Variants in PACRG observed in about 807,000 individuals in gnomAD.
PACRG encodes parkin coregulated.
A neutral mutation model predicts 29.7 loss-of-function variants in PACRG; 29 were observed. That is an observed-to-expected ratio of 0.98 (90% CI 0.73 to 1.33). PACRG has a LOEUF of 1.33. Among genes scored for constraint, PACRG ranks in the 40% most tolerant of loss-of-function variants. PACRG has a pLI of 0.00. For missense variants in PACRG, 279 were observed against 316.2 expected, an observed-to-expected ratio of 0.88 and a Z score of 0.89; for synonymous variants, 116 against 118.7, an observed-to-expected ratio of 0.98 and a Z score of 0.15.
chr6:162,875,230 G>C (rs1363941226), intron 2 of PACRG, among the ~76,000 whole-genome samples: 1 of 131,520 alleles, frequency 7.6e-6, no homozygotes, highest in East Asian at 2.2e-4. Context: ...TGCACACACA[G>C]ACATGCACAG....
rs527380989 is a variant in PACRG at position 163,050,048 on chromosome 6, C to T, written c.292-12102C>T. On this transcript the variant is annotated intron_variant, in intron 2 of 4. Transcript: ENST00000366888. ...TAATTCAGAACTGAAGGACATTTTC[C>T]CTTTTATGATAATCTCTTTTAATAA... Among the ~76,000 whole-genome samples, 9 of 152,082 alleles carry T rather than the reference C, an allele frequency of 5.9e-5. No homozygotes were observed. The South Asian group carries it at 1.9e-3, about 32-fold the overall frequency.
intron 2 of PACRG, among the ~76,000 whole-genome samples, chr6:162,965,286 G>A (rs1007488150): frequency 5.3e-5 from 8 of 152,254 alleles, no homozygotes; most frequent in African/African-American, 1.7e-4. Flanking sequence ...TAAAGTCTCG[G>A]GTCAGAGGTA....
chr6:162,904,930 G>A (rs1795822568), intron 2 of PACRG, among the ~76,000 whole-genome samples: 1 of 152,180 alleles, frequency 6.6e-6, no homozygotes, highest in South Asian at 2.1e-4. Context: ...GTGAGGATGA[G>A]TTAGCTGGGA....
At chr6:162,973,620 G>A (rs1347614610) in intron 2 of PACRG, among the ~76,000 whole-genome samples, 1 of 151,994 alleles carries the variant, frequency 6.6e-6, no homozygotes, top group Non-Finnish European at 1.5e-5. Flanking sequence ...CCCCAAATTA[G>A]ATATTCCACA....
At chr6:163,042,409 T>G (rs1366160562) in intron 2 of PACRG, 1 of 152,400 alleles carries the variant, frequency 6.6e-6, no homozygotes, top group Non-Finnish European at 1.5e-5. Flanking sequence ...TTCCACAAAT[T>G]GTCTAATGAG....
intron 4 of PACRG, among the ~76,000 whole-genome samples, chr6:163,219,158 A>C (rs1303426604): frequency 6.6e-6 from 1 of 152,234 alleles, no homozygotes. Flanking sequence ...ATGTCTAAAT[A>C]GGTGATTTAG....
intron 4 of PACRG, among the ~76,000 whole-genome samples, chr6:163,308,549 C>A (rs2128192581): frequency 6.6e-6 from 1 of 152,064 alleles, no homozygotes; most frequent in Middle Eastern, 3.4e-3. Flanking sequence ...ACCTGTAATC[C>A]CAGCTACTCA....
At chr6:163,287,796 C>A (rs984900314) in intron 4 of PACRG, among the ~76,000 whole-genome samples, 2 of 152,090 alleles carry the variant, frequency 1.3e-5, no homozygotes, top group Non-Finnish European at 2.9e-5. Flanking sequence ...CTGAGTGTGG[C>A]GTGCGCAGTT....
At chr6:162,847,172 T>G (rs1283270343) in intron 2 of PACRG, among the ~76,000 whole-genome samples, 2 of 152,192 alleles carry the variant, frequency 1.3e-5, no homozygotes, top group Admixed American at 1.3e-4. Flanking sequence ...ACTGACCACC[T>G]TACGGGTCCA....
At chr6:163,006,040 CAT>C (rs984710837) in intron 2 of PACRG, among the ~76,000 whole-genome samples, 32 of 141,418 alleles carry the variant, frequency 2.3e-4, no homozygotes, top group African/African-American at 6.5e-4. Flanking sequence ...TTATATATAA[CAT>C]ATATAACTAT....
At chr6:162,837,791 T>C (rs1789364663) in intron 2 of PACRG, among the ~76,000 whole-genome samples, 1 of 152,086 alleles carries the variant, frequency 6.6e-6, no homozygotes. Flanking sequence ...TAGAGGGGCC[T>C]CACACAACAG....
intron 4 of PACRG, among the ~76,000 whole-genome samples, chr6:163,239,966 CCAT>C (rs1216235782): frequency 4.9e-5 from 7 of 142,132 alleles, no homozygotes; most frequent in African/African-American, 1.8e-4. Context: ...ACTCACACTC[CCAT>C]CGTCACATAC....
rs547909710 is a variant in PACRG, at chr6:162,742,508, GA to G, written c.156+14118del. Among the ~76,000 whole-genome samples the G allele has an allele frequency of 4.6e-5, 7 of 152,284 alleles. No homozygotes were observed. In the South Asian group the frequency reaches 1.5e-3, roughly 32 times the overall value. ...GAATGGACTAATACAACATGTAAGT[GA>G]GATTGTGTGGTATTTGTCTTTCTGT... is the stretch of plus-strand genomic sequence containing the variant. On this transcript the variant is annotated intron_variant, in intron 1 of 4. Transcript: ENST00000366888.
chr6:163,104,937 A>G (rs1318533308), intron 4 of PACRG, among the ~76,000 whole-genome samples: 1 of 152,166 alleles, frequency 6.6e-6, no homozygotes, highest in East Asian at 1.9e-4. Flanking sequence ...ACAATAACTC[A>G]TTGAACAAGT....
At chr6:162,967,602 T>G (rs7739647) in intron 2 of PACRG, among the ~76,000 whole-genome samples, 101,921 of 151,192 alleles carry the variant, frequency 0.67, 34,515 homozygotes, top group East Asian at 0.79. Flanking sequence ...CGCCTCCCGG[T>G]TTCACGCCAT....
At chr6:162,934,260 CAA>C (rs771565424) in intron 2 of PACRG, among the ~76,000 whole-genome samples, 1 of 146,728 alleles carries the variant, frequency 6.8e-6, no homozygotes. Flanking sequence ...GAGACTGTCT[CAA>C]AAAAAAAAAA....
intron 2 of PACRG, among the ~76,000 whole-genome samples, chr6:162,894,788 G>A (rs1795040177): frequency 6.6e-6 from 1 of 152,206 alleles, no homozygotes; most frequent in Admixed American, 6.5e-5. Context: ...TTTGCATAGT[G>A]TGCATTTTTA....
chr6:162,758,135 G>T (rs1228793689), intron 1 of PACRG, among the ~76,000 whole-genome samples: 2 of 152,090 alleles, frequency 1.3e-5, no homozygotes, highest in East Asian at 3.9e-4. Flanking sequence ...AAGATATAGT[G>T]GCTTGGGTGT....
At chr6:163,123,298 A>G (rs945273427) in intron 4 of PACRG, among the ~76,000 whole-genome samples, 3 of 151,882 alleles carry the variant, frequency 2.0e-5, no homozygotes, top group Non-Finnish European at 4.4e-5. Flanking sequence ...GGAGGCAGCC[A>G]TGACAGCTGT....
Sources: gnomAD v4.1 joint callset for allele counts (sites outside exome capture counted in the v4.1 genomes callset) on GRCh38, gnomAD v4.1.1 for gene constraint, MANE v1.5 for transcripts, NCBI Gene and HGNC (gene_info 2026-07-23, HGNC 2026-07-21) for gene names.